Variants in CDH5 observed in about 807,000 individuals in gnomAD.
CDH5 encodes the protein cadherin-5.
CDH5 carries 28 observed loss-of-function variants against 62.0 expected under a neutral mutation model. That is an observed-to-expected ratio of 0.45 (90% CI 0.33 to 0.62). The LOEUF is 0.62. Among genes scored for constraint, CDH5 ranks in the 20% least tolerant of loss-of-function variants. The pLI is 0.02. For missense variants in CDH5, 940 were observed against 1,065.1 expected, an observed-to-expected ratio of 0.88 and a Z score of 1.63; for synonymous variants, 464 against 445.8, an observed-to-expected ratio of 1.04 and a Z score of -0.52.
chr16:66,400,880 C>T lies in CDH5; in HGVS notation c.1701C>T (p.Gly567=). 2 of 1,614,210 alleles carry T rather than the reference C, an allele frequency of 1.2e-6. No individual in the cohort carries two copies. The highest frequency in any genetic ancestry group is 1.7e-5 in the Admixed American group (1 of 60,034). The change falls in exon 11 of 12, where the codon GGC becomes GGT. Residue 567 remains glycine (G), a synonymous_variant. Transcript: ENST00000341529. ...ACAATGGGATGCCAAGTCGCACGGG[C>T]ACCAGCACGCTGACCGTGGCCGTGT... is the stretch of plus-strand genomic sequence containing the variant. ...ISDNGMPSRT[G]TSTLTVAVCK... is the part of the protein sequence containing the mutation.
intron 1 of CDH5, among the ~76,000 whole-genome samples, chr16:66,367,717 CTGAGCTTTGGAAACATA>C (rs1960612768): frequency 6.6e-6 from 1 of 152,198 alleles, no homozygotes; most frequent in African/African-American, 2.4e-5. Flanking sequence ...GTGAAAGCAA[CTGAGCTTTGGAAACATA>C]TGAGCTGGTG....
Position 66,403,079 on chromosome 16 carries a change from G to A in CDH5, c.2265G>A (p.Val755=). ...SLGTDSSDSD[V]DYDFLNDWGP... ...GCACCGACTCATCCGACTCTGACGT[G>A]GATTACGACTTCCTTAACGACTGGG... The change falls in exon 12 of 12, where the codon GTG becomes GTA. Residue 755 remains valine (V), a synonymous_variant. Coordinates refer to ENST00000341529, the MANE Select transcript of CDH5 (RefSeq NM_001795.5). This position sits in a 1 kb window ranked among gnomAD's most constrained non-coding sequence, Gnocchi z 4.3. The A allele has an allele frequency of 2.5e-6, 4 of 1,613,804 alleles. No homozygotes were observed. Among genetic ancestry groups the A allele is most frequent in the Non-Finnish European group, 3.4e-6 (4 of 1,179,934 alleles).
chr16:66,370,628 C>G (rs1567458905), intron 1 of CDH5, among the ~76,000 whole-genome samples: 1 of 152,156 alleles, frequency 6.6e-6, no homozygotes, highest in Non-Finnish European at 1.5e-5. Flanking sequence ...ATGAAGTGAA[C>G]TCTTAGGCCC....
intron 10 of CDH5, 87 bp from the exon 11 acceptor site, chr16:66,400,684 T>G (rs1596948024): frequency 5.9e-6 from 9 of 1,526,976 alleles, no homozygotes. Context: ...CGCAGGCTGG[T>G]GCAGTCAGGG....
Position 66,387,205 on chromosome 16 carries a change from G to T in CDH5, c.499+108G>T. On this transcript the variant is annotated intron_variant, in intron 3 of 11. Transcript: ENST00000341529. Reference sequence around the variant, plus strand: ...GGGGTAGGAATCCAGTGAGTTCAGGGTAGTGATTGTAATGCCTGTGTTGCC... The same window carrying T: ...GGGGTAGGAATCCAGTGAGTTCAGGTTAGTGATTGTAATGCCTGTGTTGCC... The T allele has an allele frequency of 3.9e-6, 4 of 1,037,426 alleles. No homozygotes were observed. In the South Asian group the frequency reaches 4.9e-5, roughly 13 times the overall value. The allele number at this position is 1,037,426 out of a possible 1,614,324, so 64.3% of individuals were successfully genotyped here.
intron 1 of CDH5, chr16:66,377,669 G>A (rs1960809520): frequency 6.6e-6 from 1 of 152,308 alleles, no homozygotes; most frequent in Non-Finnish European, 1.5e-5. Context: ...CTCCATATGT[G>A]AGTCCTGGTT....
Position 66,384,722 on chromosome 16 carries a change from T to C in CDH5, c.211-2087T>C, listed in dbSNP as rs570728770. ...GGCTCACACCTGTAATCACAGCACT[T>C]TGGGAGGCCAAGGCAGGCAGATCAC... On this transcript the variant is annotated intron_variant, in intron 2 of 11. Transcript: ENST00000341529. Among the ~76,000 whole-genome samples, 292 of 148,504 alleles carry C rather than the reference T, an allele frequency of 2.0e-3. 2 individuals carry two copies. Among genetic ancestry groups the C allele is most frequent in the Non-Finnish European group, 2.9e-3 (195 of 67,488 alleles).
chr16:66,402,871 C>T lies in CDH5; in HGVS notation c.2057C>T (p.Ala686Val), dbSNP rs543410829. Residue 686 changes from alanine (A) to valine (V), a missense_variant, in exon 12 of 12, where the codon GCG (alanine) becomes GTG (valine). Ala to Val is a moderately conservative substitution (Grantham distance 64). Coordinates refer to ENST00000341529, the MANE Select transcript of CDH5 (RefSeq NM_001795.5). ...PALDARPSLYAQVQKPPRHAP... is the reference protein window; with the variant it reads ...PALDARPSLYVQVQKPPRHAP... The stretch of plus-strand genomic sequence containing the variant: ...CTGGACGCCCGGCCTTCCCTCTATG[C>T]GCAGGTGCAGAAGCCACCGAGGCAC... The T allele has an allele frequency of 2.5e-6, 4 of 1,607,660 alleles. No homozygotes were observed. Among genetic ancestry groups the T allele is most frequent in the Non-Finnish European group, 3.4e-6 (4 of 1,178,018 alleles).
intron 1 of CDH5, among the ~76,000 whole-genome samples, chr16:66,371,167 C>T (rs56229244): frequency 0.14 from 20,550 of 152,176 alleles, 1,650 homozygotes; most frequent in East Asian, 0.26. Flanking sequence ...GCCGCCAATA[C>T]GCAACTTTAA....
chr16:66,389,481 C>A lies in CDH5; in HGVS notation c.740C>A (p.Thr247Asn). The change falls in exon 5 of 12, where the codon ACT (threonine) becomes AAT (asparagine). Residue 247 changes from threonine (T) to asparagine (N), a missense_variant. By Grantham distance (65) the Thr-to-Asn change is moderately conservative. Transcript: ENST00000341529. ...TCGGGCACGGCCACCGTGCTGGTCACTCTGCAAGACATCAATGACAACTTC... is the reference window on the plus strand; with the variant it reads ...TCGGGCACGGCCACCGTGCTGGTCAATCTGCAAGACATCAATGACAACTTC... ...GDSGTATVLV[T>N]LQDINDNFPF... 6.2e-7 allele frequency: 1 copy of A among 1,606,868 alleles called. No individual in the cohort carries two copies. Among genetic ancestry groups the A allele is most frequent in the Non-Finnish European group, 8.5e-7 (1 of 1,175,424 alleles).
chr16:66,371,268 T>C (rs1374600247), intron 1 of CDH5, among the ~76,000 whole-genome samples: 2 of 151,984 alleles, frequency 1.3e-5, no homozygotes, highest in Admixed American at 1.3e-4. Flanking sequence ...ATTTGAGCTG[T>C]GGAATGGGAA....
At chr16:66,367,341 CT>C (rs922484455) in intron 1 of CDH5, among the ~76,000 whole-genome samples, 2 of 152,238 alleles carry the variant, frequency 1.3e-5, no homozygotes, top group Non-Finnish European at 2.9e-5. Flanking sequence ...CACTTGAGGT[CT>C]TGCCTTTCCC....
intron 5 of CDH5, among the ~76,000 whole-genome samples, chr16:66,389,907 C>A (rs1046213088): frequency 7.2e-5 from 11 of 152,234 alleles, no homozygotes; most frequent in Admixed American, 6.5e-4. Flanking sequence ...ATGGGGACAG[C>A]AAAGTTCTAT....
intron 2 of CDH5, among the ~76,000 whole-genome samples, chr16:66,380,868 A>G (rs556409210): frequency 6.6e-6 from 1 of 151,406 alleles, no homozygotes; most frequent in East Asian, 2.0e-4. Context: ...ATAAGTGTTG[A>G]TAGTGGTGAT....
intron 7 of CDH5, among the ~76,000 whole-genome samples, chr16:66,395,068 A>G (rs1961155668): frequency 5.0e-5 from 1 of 19,840 alleles, no homozygotes; most frequent in South Asian, 2.0e-3. Flanking sequence ...TTTTTTGGTG[A>G]GACAGGGTCT....
rs766394317 is a variant in CDH5 at position 66,392,352 on chromosome 16, A to C, written c.1186A>C (p.Met396Leu). The stretch of plus-strand genomic sequence containing the variant: ...GCCTCTGATTGGCACAGTGCTGGCC[A>C]TGGACCCTGATGCGGCTAGGCATAG... ...KKPLIGTVLA[M>L]DPDAARHSIG... Residue 396 changes from methionine to leucine, a missense_variant, in exon 7 of 12, where the codon ATG becomes CTG. By Grantham distance (15) the Met-to-Leu change is conservative. Coordinates refer to ENST00000341529, the MANE Select transcript of CDH5 (RefSeq NM_001795.5). 1 of 1,614,188 alleles carries C rather than the reference A, an allele frequency of 6.2e-7. No homozygotes were observed. Among genetic ancestry groups the C allele is most frequent in the South Asian group, 1.1e-5 (1 of 91,086 alleles).
intron 1 of CDH5, chr16:66,377,824 C>G (rs1960812708): frequency 6.6e-6 from 1 of 152,186 alleles, no homozygotes; most frequent in African/African-American, 2.4e-5. Context: ...CCTCGTGGGG[C>G]TGTAGAGAAA....
intron 11 of CDH5, among the ~76,000 whole-genome samples, chr16:66,401,712 G>A (rs1331866163): frequency 1.3e-5 from 2 of 152,178 alleles, no homozygotes; most frequent in Admixed American, 6.5e-5. Flanking sequence ...TGAGGAACTG[G>A]AGCCTCCTCC....
At chr16:66,396,748 C>G (rs1340988436) in intron 8 of CDH5, among the ~76,000 whole-genome samples, 1 of 152,162 alleles carries the variant, frequency 6.6e-6, no homozygotes, top group African/African-American at 2.4e-5. Context: ...GAGGGAGGGG[C>G]AAGAGTTGGA....
Sources: allele counts gnomAD v4.1 joint callset (sites outside exome capture counted in the v4.1 genomes callset), GRCh38; gene constraint gnomAD v4.1.1; non-coding constraint Gnocchi (gnomAD v3.1); transcripts MANE v1.5; gene names NCBI Gene and HGNC (gene_info 2026-07-23, HGNC 2026-07-21).